Variants in ZC3H7A observed in about 807,000 individuals in gnomAD.
ZC3H7A encodes the protein zinc finger CCCH-type containing 7A.
In ZC3H7A, 44 loss-of-function variants were observed where a neutral mutation model predicts 125.5. The observed-to-expected ratio is 0.35, with a 90% CI of 0.28 to 0.45. The LOEUF is 0.45. Among genes scored for constraint, ZC3H7A ranks in the 20% least tolerant of loss-of-function variants. The pLI, the probability that ZC3H7A is intolerant of heterozygous loss-of-function variation, is 1.00. For synonymous variants in ZC3H7A, 399 were observed against 391.2 expected, an observed-to-expected ratio of 1.02 and a Z score of -0.23; for missense variants, 977 against 1,170.7, an observed-to-expected ratio of 0.83 and a Z score of 2.41.
At chr16:11,751,896 G>A (rs2052558166) in intron 22 of ZC3H7A, among the ~76,000 whole-genome samples, 1 of 143,642 alleles carries the variant, frequency 7.0e-6, no homozygotes. Flanking sequence ...GTTTTTCACT[G>A]AAAAACCTTT....
chr16:11,770,912 C>G lies in ZC3H7A; in HGVS notation c.979G>C (p.Gly327Arg). The change falls in exon 10 of 23, where the codon GGA (glycine) becomes CGA (arginine). Residue 327 changes from glycine to arginine, a missense_variant. Transcript: ENST00000355758. ...TACCTCGCACCAATGGGTAAGGTTC[C>G]TAACAGCGATGCCGAAAAGGGCATG... is the stretch of plus-strand genomic sequence containing the variant. ...PSMPFSASLLGTLPIGARYAP... is the reference protein window; with the variant it reads ...PSMPFSASLLRTLPIGARYAP... 6.2e-7 allele frequency: 1 copy of G among 1,614,058 alleles called. No individual in the cohort carries two copies. Among genetic ancestry groups the G allele is most frequent in the Non-Finnish European group, 8.5e-7 (1 of 1,179,974 alleles).
chr16:11,753,025 G>A, intron 21 of ZC3H7A, 193 bp from the exon 22 acceptor site: 2 of 567,812 alleles, frequency 3.5e-6, no homozygotes, highest in East Asian at 6.4e-5. Flanking sequence ...GACAAATGCT[G>A]CCAGCTGTCC....
At chr16:11,789,862 C>G (rs1335475412) in intron 1 of ZC3H7A, among the ~76,000 whole-genome samples, 1 of 151,958 alleles carries the variant, frequency 6.6e-6, no homozygotes, top group Non-Finnish European at 1.5e-5. Flanking sequence ...AGGCAGATCA[C>G]TTGAAGTCAG....
chr16:11,754,319 A>T (rs1366193461), intron 21 of ZC3H7A, among the ~76,000 whole-genome samples: 1 of 143,824 alleles, frequency 7.0e-6, no homozygotes, highest in Non-Finnish European at 1.5e-5. Flanking sequence ...GGAAGAAAAA[A>T]AAATATATAT....
intron 18 of ZC3H7A, 49 bp downstream of exon 18, chr16:11,761,861 C>T (rs770561784): frequency 8.1e-6 from 13 of 1,600,376 alleles, no homozygotes; most frequent in East Asian, 6.7e-5. Context: ...TTTATACCTA[C>T]GAAACAGAAA....
intron 1 of ZC3H7A, among the ~76,000 whole-genome samples, chr16:11,790,865 C>T (rs1311294193): frequency 1.3e-5 from 2 of 149,474 alleles, no homozygotes; most frequent in African/African-American, 4.9e-5. Flanking sequence ...CACAGAGCAA[C>T]ATTCTGCCTC....
In ZC3H7A at chr16:11,797,155, AGGCAGGCGGAGGCGGGCGGCGGCAGGCG is replaced by A; in HGVS notation, c.-94_-67del. ...GGACGACGCGCCGGCCGGCGGCAGAAGGCAGGCGGAGGCGGGCGGCGGCAGGCGGGCAGCGGTGGCGGCGGCGGCGGCG... is the reference window on the plus strand; with the variant it reads ...GGACGACGCGCCGGCCGGCGGCAGAAGGCAGCGGTGGCGGCGGCGGCGGCG... On this transcript the variant is annotated 5_prime_UTR_variant, in exon 1 of 23. Coordinates refer to ENST00000355758, the MANE Select transcript of ZC3H7A (RefSeq NM_014153.4). The A allele has an allele frequency of 6.5e-6, 1 of 152,918 alleles. No homozygotes were observed. 9.5% of individuals were successfully genotyped at this position (152,918 alleles called of 1,614,324 possible).
Position 11,775,031 on chromosome 16 carries a change from C to G in ZC3H7A, c.586-18G>C. 1.2e-6 allele frequency: 2 copies of G among 1,613,744 alleles called. No homozygotes were observed. Among genetic ancestry groups the G allele is most frequent in the South Asian group, 1.1e-5 (1 of 91,054 alleles). On this transcript the variant is annotated intron_variant, in intron 7 of 22. Coordinates refer to ENST00000355758, the MANE Select transcript of ZC3H7A (RefSeq NM_014153.4). The stretch of plus-strand genomic sequence containing the variant: ...TTCAAAGCCTAGAAATTAAACCAAA[C>G]AATGGGTTATAATATTTTCAGGACT...
rs369124647 is a variant in ZC3H7A at position 11,762,752 on chromosome 16, G to A, written c.2003-5C>T. ...CAATAGCATCATGTGAGATACCTGGGGAATGTACAAGCCTTCCTTTAAATT... is the reference window on the plus strand; with the variant it reads ...CAATAGCATCATGTGAGATACCTGGAGAATGTACAAGCCTTCCTTTAAATT... On this transcript the variant is annotated splice_polypyrimidine_tract_variant and splice_region_variant and intron_variant, in intron 16 of 22. Transcript: ENST00000355758. 4.3e-6 allele frequency: 7 copies of A among 1,613,062 alleles called. No individual in the cohort carries two copies. The African/African-American group carries it at 8.0e-5, about 18-fold the overall frequency.
chr16:11,773,336 G>A (rs2053020309), intron 9 of ZC3H7A, among the ~76,000 whole-genome samples: 1 of 151,888 alleles, frequency 6.6e-6, no homozygotes, highest in African/African-American at 2.4e-5. Context: ...GCACCACTAT[G>A]CCAGGCTGTT....
chr16:11,773,412 T>A (rs369199626), intron 9 of ZC3H7A, among the ~76,000 whole-genome samples: 17 of 151,958 alleles, frequency 1.1e-4, no homozygotes, highest in African/African-American at 4.1e-4. Context: ...AATCTCCATA[T>A]GTCACAAAAT....
intron 1 of ZC3H7A, among the ~76,000 whole-genome samples, chr16:11,795,953 T>C (rs1301227914): frequency 1.3e-5 from 2 of 151,996 alleles, no homozygotes; most frequent in Admixed American, 6.6e-5. Context: ...CCACCTCAGC[T>C]TCCCGAGTAG....
At chr16:11,758,397 C>G (rs2052688546) in intron 20 of ZC3H7A, 34 bp downstream of exon 20, 2 of 1,509,078 alleles carry the variant, frequency 1.3e-6, no homozygotes, top group African/African-American at 2.8e-5. Flanking sequence ...TTCAGGCAAG[C>G]TAGCTCAAGG....
At chr16:11,767,273 G>A (rs964734572) in intron 13 of ZC3H7A, 144 bp downstream of exon 13, 17 of 646,250 alleles carry the variant, frequency 2.6e-5, no homozygotes, top group Admixed American at 7.7e-5. Context: ...GTGCGTCGTC[G>A]GCTACACCAT....
At chr16:11,777,231 T>G (rs2141202165) in intron 4 of ZC3H7A, among the ~76,000 whole-genome samples, 1 of 152,302 alleles carries the variant, frequency 6.6e-6, no homozygotes, top group South Asian at 2.1e-4. Context: ...TATTCGCTCC[T>G]CTGTAGTTAC....
chr16:11,762,519 C>A (rs2052769535), intron 17 of ZC3H7A, 152 bp downstream of exon 17: 2 of 712,136 alleles, frequency 2.8e-6, no homozygotes, highest in Admixed American at 5.7e-5. Flanking sequence ...AACTAAAATG[C>A]AAATTGTTTT....
rs916715609 is a variant in ZC3H7A, at chr16:11,789,554, G to A, written c.-34-7166C>T. Among the ~76,000 whole-genome samples, 31 of 152,158 alleles carry A rather than the reference G, an allele frequency of 2.0e-4. No individual in the cohort carries two copies. The East Asian group carries it at 4.8e-3, about 24-fold the overall frequency. ...CAGGCATGAGCCACTGCGCCCGGCC[G>A]TGCATATGTTCTTTTTTATTCAAAC... On this transcript the variant is annotated intron_variant, in intron 1 of 22. Transcript: ENST00000355758.
At chr16:11,761,876 C>T (rs1379318126) in intron 18 of ZC3H7A, 34 bp downstream of exon 18, 1 of 1,602,576 alleles carries the variant, frequency 6.2e-7, no homozygotes, top group Admixed American at 1.8e-5. Context: ...CAGAAAATTA[C>T]AAAATAGGAA....
Position 11,765,556 on chromosome 16 carries a change from C to T in ZC3H7A, c.1652G>A (p.Gly551Glu). Reference sequence around the variant, plus strand: ...TTTGAACACAGTAAGGTTAATCTTTCCATTGCCGCCAAAGAAAGCCTCCCG... The same window carrying T: ...TTTGAACACAGTAAGGTTAATCTTTTCATTGCCGCCAAAGAAAGCCTCCCG... The part of the protein sequence containing the change: ...FSREAFFGGN[G>E]KINLTVFKLL... Residue 551 changes from glycine to glutamate, a missense_variant, in exon 14 of 23, where the codon GGA becomes GAA. By Grantham distance (98) the Gly-to-Glu change is moderately conservative. Transcript: ENST00000355758. The surrounding 1 kb of genome is among the most constrained non-coding windows in gnomAD (Gnocchi z 4.8). The T allele has an allele frequency of 4.3e-6, 7 of 1,614,172 alleles. No homozygotes were observed. Among genetic ancestry groups the T allele is most frequent in the East Asian group, 2.2e-5 (1 of 44,888 alleles).
Sources: gnomAD v4.1 joint callset for allele counts (sites outside exome capture counted in the v4.1 genomes callset) on GRCh38, gnomAD v4.1.1 for gene constraint, Gnocchi (gnomAD v3.1) non-coding constraint, MANE v1.5 for transcripts, NCBI Gene and HGNC (gene_info 2026-07-23, HGNC 2026-07-21) for gene names.